Variants in CASKIN1 observed in about 807,000 individuals in gnomAD.
CASKIN1 encodes caskin-1.
In CASKIN1, 42 loss-of-function variants were observed where a neutral mutation model predicts 117.5. The observed-to-expected ratio is 0.36, with a 90% confidence interval of 0.28 to 0.46. The LOEUF (loss-of-function observed/expected upper bound fraction) is 0.46. CASKIN1 is among the 20% of genes least tolerant of loss of function. CASKIN1 has a pLI of 1.00. For missense variants in CASKIN1, 2,083 were observed against 2,077.3 expected, an observed-to-expected ratio of 1.00 and a Z score of -0.05; for synonymous variants, 1,148 against 961.7, an observed-to-expected ratio of 1.19 and a Z score of -3.59.
chr16:2,181,526 C>A lies in CASKIN1; in HGVS notation c.1842G>T (p.Glu614Asp), dbSNP rs764096334. ...GCGCCTTCCGGCGCAGGGGGCCCCC[C>A]TCATACTTGGCGTATTCAGCCTTCT... is the stretch of plus-strand genomic sequence containing the variant. ...ELQKAEYAKYEGGPLRRKAPQ... is the reference protein window; with the variant it reads ...ELQKAEYAKYDGGPLRRKAPQ... The change falls in exon 18 of 20, where the codon GAG (glutamate) becomes GAT (aspartate). Residue 614 changes from glutamate to aspartate, a missense_variant. Coordinates refer to ENST00000343516, the MANE Select transcript of CASKIN1 (RefSeq NM_020764.4). 1.2e-6 allele frequency: 2 copies of A among 1,604,890 alleles called. No individual in the cohort carries two copies. Among genetic ancestry groups the A allele is most frequent in the East Asian group, 2.2e-5 (1 of 44,674 alleles).
At position 2,178,399 on chromosome 16, in the gene CASKIN1, G is replaced by T; in HGVS notation, c.*151C>A. The T allele has an allele frequency of 2.0e-6, 1 of 503,574 alleles. No individual in the cohort carries two copies. The highest frequency in any genetic ancestry group is 3.3e-6 in the Non-Finnish European group (1 of 298,984). The allele number at this position is 503,574 out of a possible 1,614,324, so 31.2% of individuals were successfully genotyped here. On this transcript the variant is annotated 3_prime_UTR_variant, in exon 20 of 20. Transcript: ENST00000343516. Reference sequence around the variant, plus strand: ...AGCCCCCGGCCAGGCGGTCCCCGGTGGGCGCCCCGGCCCGGGTCCAGGGGC... The same window carrying T: ...AGCCCCCGGCCAGGCGGTCCCCGGTTGGCGCCCCGGCCCGGGTCCAGGGGC...
At chr16:2,187,491 GCCTTCCAGCAGGAGGCCGGC>G (rs1448350441) in intron 6 of CASKIN1, 30 bp from the exon 7 acceptor site, 1 of 1,580,916 alleles carries the variant, frequency 6.3e-7, no homozygotes, top group African/African-American at 1.3e-5. Context: ...GACAGGCGGG[GCCTTCCAGCAGGAGGCCGGC>G]CCCAGCACCC....
At position 2,180,714 on chromosome 16, in the gene CASKIN1, C is replaced by A; in HGVS notation, c.2654G>T (p.Arg885Leu). 1 of 1,469,614 alleles carries A rather than the reference C, an allele frequency of 6.8e-7. No individual in the cohort carries two copies. Among genetic ancestry groups the A allele is most frequent in the African/African-American group, 1.4e-5 (1 of 69,386 alleles). 91.0% of individuals were successfully genotyped at this position (1,469,614 alleles called of 1,614,324 possible). ...RPKKRAHSLN[R>L]YAASDSEPER... Reference sequence around the variant, plus strand: ...CGGCTCGCTGTCGGACGCCGCATAGCGATTCAGGCTGTGGGCCCGCTTCTT... The same window carrying A: ...CGGCTCGCTGTCGGACGCCGCATAGAGATTCAGGCTGTGGGCCCGCTTCTT... Residue 885 changes from arginine to leucine, a missense_variant, in exon 18 of 20, where the codon CGC (arginine) becomes CTC (leucine). By Grantham distance (102) the Arg-to-Leu change is moderately radical (BLOSUM62 -2). This residue lies in a region of CASKIN1 where 1,818 missense variants were observed against 1,688.9 expected (regional missense o/e 1.08). Coordinates refer to ENST00000343516, the MANE Select transcript of CASKIN1 (RefSeq NM_020764.4).
rs1432722414 is a variant in CASKIN1 at position 2,179,045 on chromosome 16, G to GGGC, written c.4055_4056insGCC (p.Ala1352_Ala1353insPro). 4 of 994,698 alleles carry GGGC rather than the reference G, an allele frequency of 4.0e-6. No individual in the cohort carries two copies. Among genetic ancestry groups the GGGC allele is most frequent in the Admixed American group, 1.2e-4 (2 of 16,284 alleles). 61.6% of individuals were successfully genotyped at this position (994,698 alleles called of 1,614,324 possible). On this transcript the variant is annotated inframe_insertion, in exon 19 of 20. Coordinates refer to ENST00000343516, the MANE Select transcript of CASKIN1 (RefSeq NM_020764.4). The surrounding 1 kb of genome is among the most constrained non-coding windows in gnomAD (Gnocchi z 5.8). Reference sequence around the variant, plus strand: ...CGGGCGGGGCGGGGGGCGCGGCGGCGGCGGCGGCGGCGGCGGCGGCGGCTC... The same window carrying GGGC: ...CGGGCGGGGCGGGGGGCGCGGCGGCGGGCGCGGCGGCGGCGGCGGCGGCGGCTC...
chr16:2,178,816 C>A, intron 19 of CASKIN1, 86 bp downstream of exon 19: 2 of 1,331,322 alleles, frequency 1.5e-6, no homozygotes, highest in Non-Finnish European at 1.9e-6. Context: ...CCGCCCATCT[C>A]TGCCGAGCCC....
At position 2,179,034 on chromosome 16, in the gene CASKIN1, G is replaced by C. The variant is rs2093156563; in HGVS notation, c.4067C>G (p.Pro1356Arg). 1.8e-6 allele frequency: 2 copies of C among 1,128,828 alleles called. No homozygotes were observed. Among genetic ancestry groups the C allele is most frequent in the Non-Finnish European group, 2.2e-6 (2 of 922,946 alleles). 69.9% of individuals were successfully genotyped at this position (1,128,828 alleles called of 1,614,324 possible). The change falls in exon 19 of 20, where the codon CCC becomes CGC. Residue 1356 changes from proline (P) to arginine (R), a missense_variant. Pro to Arg is a moderately radical substitution (Grantham distance 103, BLOSUM62 -2). Transcript: ENST00000343516. This position sits in a 1 kb window ranked among gnomAD's most constrained non-coding sequence, Gnocchi z 5.8. The stretch of plus-strand genomic sequence containing the variant: ...CGAGGCGCCTTCGGGCGGGGCGGGG[G>C]GCGCGGCGGCGGCGGCGGCGGCGGC... ...AAAAAAAAAA[P>R]PAPPEGASPG...
rs779893535 is a variant in CASKIN1 at position 2,189,341 on chromosome 16, C to T, written c.391-8G>A. ...CTGTAGCAGCATCTCAGACTGGGGG[C>T]CAAGGGCGCAGTCAGGTCCGCACAT... On this transcript the variant is annotated splice_polypyrimidine_tract_variant and splice_region_variant and intron_variant, in intron 4 of 19. Coordinates refer to ENST00000343516, the MANE Select transcript of CASKIN1 (RefSeq NM_020764.4). 18 of 1,612,718 alleles carry T rather than the reference C, an allele frequency of 1.1e-5. No individual in the cohort carries two copies. The highest frequency in any genetic ancestry group is 1.5e-5 in the Non-Finnish European group (18 of 1,179,882).
At chr16:2,186,542 G>A (rs974366989) in intron 10 of CASKIN1, among the ~76,000 whole-genome samples, 165 bp downstream of exon 10, 4 of 152,240 alleles carry the variant, frequency 2.6e-5, no homozygotes, top group Middle Eastern at 3.4e-3. Context: ...GTGTGGGAAC[G>A]GACGAGGAGA....
chr16:2,183,514 A>C (rs1365065730), intron 16 of CASKIN1, 132 bp downstream of exon 16: 1 of 825,782 alleles, frequency 1.2e-6, no homozygotes, highest in Non-Finnish European at 1.9e-6. Context: ...CCCTGCTAGC[A>C]GGGCATCCTC....
intron 6 of CASKIN1, among the ~76,000 whole-genome samples, chr16:2,188,336 A>G (rs26832): frequency 0.35 from 51,627 of 149,394 alleles, 10,931 homozygotes; most frequent in East Asian, 0.48. Context: ...ACAGGTGTGC[A>G]TCACCACAAC....
intron 1 of CASKIN1, among the ~76,000 whole-genome samples, chr16:2,194,368 G>C (rs926535590): frequency 1.3e-5 from 2 of 152,170 alleles, no homozygotes; most frequent in Non-Finnish European, 2.9e-5. Context: ...AAGTGTGTGC[G>C]TGCGGGCACG....
At chr16:2,186,925 AC>A in intron 9 of CASKIN1, 52 bp downstream of exon 9, 1 of 1,603,996 alleles carries the variant, frequency 6.2e-7, no homozygotes. Context: ...TGGGGTGCGC[AC>A]GCCCAGGTGC....
At position 2,181,445 on chromosome 16, in the gene CASKIN1, C is replaced by T. The variant is rs374123215; in HGVS notation, c.1923G>A (p.Pro641=). ...TCATTTTAGGGGACTGGCAGTCGGCCGGTGTGGGCTCAGGCGGGGGCGGCG... is the reference window on the plus strand; with the variant it reads ...TCATTTTAGGGGACTGGCAGTCGGCTGGTGTGGGCTCAGGCGGGGGCGGCG... The part of the protein sequence containing the change: ...IESPPPPEPT[P]ADCQSPKMTT... Residue 641 remains proline (P), a synonymous_variant, in exon 18 of 20, where the codon CCG becomes CCA. Transcript: ENST00000343516. 1.5e-4 allele frequency: 241 copies of T among 1,612,162 alleles called. No homozygotes were observed. The highest frequency in any genetic ancestry group is 5.8e-4 in the Admixed American group (35 of 59,964).
intron 1 of CASKIN1, among the ~76,000 whole-genome samples, chr16:2,194,553 G>A (rs941183660): frequency 9.2e-5 from 14 of 152,170 alleles, no homozygotes; most frequent in South Asian, 2.1e-4. Flanking sequence ...CCCCCACCTC[G>A]TGGCCCAAAC....
In CASKIN1 at chr16:2,190,188, C is replaced by T. The variant is rs746265550; in HGVS notation, c.147-18G>A. On this transcript the variant is annotated intron_variant, in intron 2 of 19. Transcript: ENST00000343516. ...CCGAGAAGCTGGCACGTGCAGAGGA[C>T]ACATAGAGCAGAGGCCCTGGCGCCC... 1.2e-6 allele frequency: 2 copies of T among 1,612,270 alleles called. No homozygotes were observed. The highest frequency in any genetic ancestry group is 1.3e-5 in the African/African-American group (1 of 74,928).
chr16:2,178,729 C>A, intron 19 of CASKIN1, 83 bp from the exon 20 acceptor site: 2 of 1,375,468 alleles, frequency 1.5e-6, no homozygotes, highest in Non-Finnish European at 1.9e-6. Context: ...CCACGTCCCG[C>A]ATCTCCGTCG....
At chr16:2,189,800 C>T (rs1020984307) in intron 3 of CASKIN1, among the ~76,000 whole-genome samples, 1 of 151,672 alleles carries the variant, frequency 6.6e-6, no homozygotes, top group Non-Finnish European at 1.5e-5. Context: ...GGAGCTGACC[C>T]TTGACCCCCA....
At position 2,182,980 on chromosome 16, in the gene CASKIN1, G is replaced by T. The variant is rs2093172779; in HGVS notation, c.1629+666C>A. Among the ~76,000 whole-genome samples the T allele has an allele frequency of 6.6e-6, 1 of 152,224 alleles. No homozygotes were observed. Among genetic ancestry groups the T allele is most frequent in the Non-Finnish European group, 1.5e-5 (1 of 68,044 alleles). ...CAATTTTTGGTTTTAGTAGAGACTG[G>T]GTTTCACCGTGTTAGCCAGGATGGT... On this transcript the variant is annotated intron_variant, in intron 16 of 19. Coordinates refer to ENST00000343516, the MANE Select transcript of CASKIN1 (RefSeq NM_020764.4). This position sits in a 1 kb window ranked among gnomAD's most constrained non-coding sequence, Gnocchi z 4.1.
In CASKIN1 at chr16:2,179,753, C is replaced by T; in HGVS notation, c.3615G>A (p.Leu1205=). 6.4e-7 allele frequency: 1 copy of T among 1,560,398 alleles called. No individual in the cohort carries two copies. Among genetic ancestry groups the T allele is most frequent in the Non-Finnish European group, 8.6e-7 (1 of 1,158,776 alleles). ...PPPAEPPPTD[L]AHLPPLPPPE... ...GCGGGGGCAATGGGGGTAGGTGCGC[C>T]AGGTCGGTGGGCGGGGGTTCGGCAG... is the stretch of plus-strand genomic sequence containing the variant. The change falls in exon 18 of 20, where the codon CTG becomes CTA. Residue 1205 remains leucine (L), a synonymous_variant. Coordinates refer to ENST00000343516, the MANE Select transcript of CASKIN1 (RefSeq NM_020764.4). The surrounding 1 kb of genome is among the most constrained non-coding windows in gnomAD (Gnocchi z 5.8).
Sources: gnomAD v4.1 joint callset for allele counts (sites outside exome capture counted in the v4.1 genomes callset) on GRCh38, gnomAD v4.1.1 for gene constraint, gnomAD v4.1.1 regional missense constraint, Gnocchi (gnomAD v3.1) non-coding constraint, MANE v1.5 for transcripts, NCBI Gene and HGNC (gene_info 2026-07-23, HGNC 2026-07-21) for gene names.